Variants in STUM observed in about 807,000 individuals in gnomAD.
STUM encodes protein stum homolog.
A neutral mutation model predicts 15.3 loss-of-function variants in STUM; 8 were observed. That is an observed-to-expected ratio of 0.52 (90% confidence interval 0.31 to 0.94). The LOEUF is 0.94. Among genes scored for constraint, STUM ranks in the 40% least tolerant of loss-of-function variants. The pLI, the probability that STUM is intolerant of heterozygous loss-of-function variation, is 0.05. For missense variants in STUM, 142 were observed against 204.9 expected, an observed-to-expected ratio of 0.69 and a Z score of 1.87; for synonymous variants, 78 against 88.7, an observed-to-expected ratio of 0.88 and a Z score of 0.68.
At chr1:226,550,627 G>A (rs1667360355) in intron 1 of STUM, among the ~76,000 whole-genome samples, 1 of 148,244 alleles carries the variant, frequency 6.7e-6, no homozygotes, top group African/African-American at 2.5e-5. Flanking sequence ...TGAGGTAAAC[G>A]CCACCCTATG....
chr1:226,594,705 A>C (rs1193391219), intron 1 of STUM, among the ~76,000 whole-genome samples: 2 of 152,076 alleles, frequency 1.3e-5, no homozygotes, highest in Non-Finnish European at 2.9e-5. Context: ...CCCAGGCTGG[A>C]GTGCAATGGC....
chr1:226,602,022 CA>C lies in STUM; in HGVS notation c.409del (p.Ile137SerfsTer91). 1 of 1,608,544 alleles carries C rather than the reference CA, an allele frequency of 6.2e-7. No homozygotes were observed. On this transcript the variant is annotated frameshift_variant, in exon 4 of 4. Transcript: ENST00000366788. LOFTEE classifies it high-confidence loss of function. ...TCCTCACAGGCTACAAGGAGCAGGG[CA>C]TCCCACAGCAGCTGTGAGCCCACGG... ...AISQGYKEQG[I>X]PQQL
chr1:226,579,247 A>C (rs1667873405), intron 1 of STUM, among the ~76,000 whole-genome samples: 1 of 152,198 alleles, frequency 6.6e-6, no homozygotes. Context: ...GGTGGAGAGA[A>C]GCCACTGTGA....
At chr1:226,564,299 C>T (rs1333207233) in intron 1 of STUM, among the ~76,000 whole-genome samples, 1 of 152,162 alleles carries the variant, frequency 6.6e-6, no homozygotes, top group Non-Finnish European at 1.5e-5. Flanking sequence ...AGATGTCGGT[C>T]CTCAGGAAAT....
intron 1 of STUM, among the ~76,000 whole-genome samples, chr1:226,579,634 C>T (rs837446): frequency 0.69 from 98,285 of 141,574 alleles, 34,558 homozygotes; most frequent in African/African-American, 0.77. Context: ...ATTTCTTTTT[C>T]TTTTTCTTTT....
intron 1 of STUM, among the ~76,000 whole-genome samples, chr1:226,572,799 T>C (rs577404976): frequency 1.3e-5 from 2 of 152,338 alleles, no homozygotes; most frequent in African/African-American, 4.8e-5. Flanking sequence ...AGGAATGGCT[T>C]CCTTCTGTTT....
intron 1 of STUM, among the ~76,000 whole-genome samples, chr1:226,562,376 G>A (rs1488395995): frequency 2.0e-5 from 3 of 152,046 alleles, no homozygotes; most frequent in Non-Finnish European, 2.9e-5. Flanking sequence ...GGCTGATGCA[G>A]GAGAATCACT....
At position 226,596,851 on chromosome 1, in the gene STUM, C is replaced by T. The variant is rs146333541; in HGVS notation, c.252C>T (p.Leu84=). 9.2e-4 allele frequency: 1,484 copies of T among 1,614,120 alleles called. No homozygotes were observed. The highest frequency in any genetic ancestry group is 1.2e-3 in the Non-Finnish European group (1,382 of 1,180,036). ...TGCTGTGCGGGGCCCGCACCGACCT[C>T]CCGGACAGGCATGTGTGCTGCGTCT... The part of the protein sequence containing the change: ...FTVLCGARTD[L]PDRHVCCVFW... The change falls in exon 2 of 4, where the codon CTC becomes CTT. Residue 84 remains leucine, a synonymous_variant. Transcript: ENST00000366788.
At chr1:226,550,987 A>G (rs1220520550) in intron 1 of STUM, among the ~76,000 whole-genome samples, 2 of 152,234 alleles carry the variant, frequency 1.3e-5, no homozygotes, top group African/African-American at 4.8e-5. Context: ...AGGAGAAAAT[A>G]AAGGGAAGAT....
intron 1 of STUM, among the ~76,000 whole-genome samples, chr1:226,570,379 G>A (rs1448443083): frequency 1.3e-5 from 2 of 152,226 alleles, no homozygotes; most frequent in Non-Finnish European, 2.9e-5. Context: ...CACATTGGCA[G>A]TGTCAGAGCA....
At chr1:226,578,224 C>T (rs567358603) in intron 1 of STUM, among the ~76,000 whole-genome samples, 1 of 151,892 alleles carries the variant, frequency 6.6e-6, no homozygotes, top group Non-Finnish European at 1.5e-5. Flanking sequence ...TCAATTTTTT[C>T]TTTATTTTTA....
chr1:226,566,989 T>C (rs1282183128), intron 1 of STUM, among the ~76,000 whole-genome samples: 4 of 152,240 alleles, frequency 2.6e-5, no homozygotes, highest in Non-Finnish European at 5.9e-5. Flanking sequence ...ACTCCATTGC[T>C]GCTTCCCGCA....
In STUM at chr1:226,600,773, C is replaced by T; in HGVS notation, c.391+99C>T. 2.3e-6 allele frequency: 3 copies of T among 1,289,218 alleles called. No individual in the cohort carries two copies. The South Asian group carries it at 3.6e-5, about 15-fold the overall frequency. The allele number at this position is 1,289,218 out of a possible 1,614,324, so 79.9% of individuals were successfully genotyped here. Reference sequence around the variant, plus strand: ...TGCACACAAACACCCCACCCACTCTCCCAGTGGGTCAATGGGCTTTTATGT... The same window carrying T: ...TGCACACAAACACCCCACCCACTCTTCCAGTGGGTCAATGGGCTTTTATGT... On this transcript the variant is annotated intron_variant, in intron 3 of 3. Coordinates refer to ENST00000366788, the MANE Select transcript of STUM (RefSeq NM_001003665.4). The surrounding 1 kb of genome is among the most constrained non-coding windows in gnomAD (Gnocchi z 5.2).
At chr1:226,593,005 G>A (rs1379852595) in intron 1 of STUM, among the ~76,000 whole-genome samples, 1 of 152,184 alleles carries the variant, frequency 6.6e-6, no homozygotes, top group African/African-American at 2.4e-5. Context: ...GGCCAACATG[G>A]GGAAACCCCG....
chr1:226,554,003 T>C (rs1667410273), intron 1 of STUM, among the ~76,000 whole-genome samples: 1 of 152,232 alleles, frequency 6.6e-6, no homozygotes, highest in South Asian at 2.1e-4. Context: ...CCCCACCCGA[T>C]GCCATATGGC....
At chr1:226,572,390 T>C (rs1221382011) in intron 1 of STUM, among the ~76,000 whole-genome samples, 4 of 152,218 alleles carry the variant, frequency 2.6e-5, no homozygotes, top group Non-Finnish European at 5.9e-5. Flanking sequence ...ATCCTGGGTC[T>C]ACAGGGATAC....
rs142365371 is a variant in STUM at position 226,567,745 on chromosome 1, G to A, written c.202+18639G>A. On this transcript the variant is annotated intron_variant, in intron 1 of 3. Transcript: ENST00000366788. The surrounding 1 kb of genome is among the most constrained non-coding windows in gnomAD (Gnocchi z 4.5). ...CCAGCGTGAGATGGATGATTCTGCC[G>A]AGGGGTCTCTAGTGAGCAGGTCACG... Among the ~76,000 whole-genome samples, 541 of 152,286 alleles carry A rather than the reference G, an allele frequency of 3.6e-3. 3 individuals are homozygous for A. The highest frequency in any genetic ancestry group is 4.5e-3 in the Non-Finnish European group (303 of 68,010).
At chr1:226,579,519 C>T (rs1034157306) in intron 1 of STUM, among the ~76,000 whole-genome samples, 1 of 152,132 alleles carries the variant, frequency 6.6e-6, no homozygotes, top group Non-Finnish European at 1.5e-5. Flanking sequence ...GAAGGAGAGG[C>T]ATTCAGAGAT....
intron 2 of STUM, among the ~76,000 whole-genome samples, chr1:226,599,263 C>T (rs1668228531): frequency 6.6e-6 from 1 of 152,194 alleles, no homozygotes; most frequent in Non-Finnish European, 1.5e-5. Flanking sequence ...ACACCTCATT[C>T]TTGCCCACTG....
Sources: gnomAD v4.1 joint callset for allele counts (sites outside exome capture counted in the v4.1 genomes callset) on GRCh38, gnomAD v4.1.1 for gene constraint, Gnocchi (gnomAD v3.1) non-coding constraint, MANE v1.5 for transcripts, NCBI Gene and HGNC (gene_info 2026-07-23, HGNC 2026-07-21) for gene names.